Variants in RFX3 observed in about 807,000 individuals in gnomAD.
RFX3 encodes the protein regulatory factor X3.
In RFX3, 14 loss-of-function variants were observed where a neutral mutation model predicts 98.6. The ratio of observed to expected loss-of-function variants is 0.14; its 90% CI spans 0.09 to 0.22. The LOEUF (loss-of-function observed/expected upper bound fraction) is 0.22, where lower values mean the gene tolerates loss of function less well. RFX3 is among the 10% of genes least tolerant of loss of function. The pLI is 1.00. For synonymous variants in RFX3, 383 were observed against 328.4 expected (o/e 1.17, Z -1.80); for missense variants, 639 against 926.9 (o/e 0.69, Z 4.03).
At chr9:3,478,542 T>C (rs763303839) in intron 1 of RFX3, among the ~76,000 whole-genome samples, 20 of 152,098 alleles carry the variant, frequency 1.3e-4, no homozygotes, top group Admixed American at 3.3e-4. Flanking sequence ...TTTGCCTATA[T>C]GTCTTCTACC....
intron 14 of RFX3, among the ~76,000 whole-genome samples, chr9:3,249,433 G>A (rs1199784977): frequency 1.3e-5 from 2 of 151,974 alleles, no homozygotes; most frequent in Non-Finnish European, 2.9e-5. Context: ...ACAAAACATT[G>A]CCTTTAGTCT....
At chr9:3,444,404 G>A (rs1469118189) in intron 1 of RFX3, among the ~76,000 whole-genome samples, 1 of 152,022 alleles carries the variant, frequency 6.6e-6, no homozygotes, top group Non-Finnish European at 1.5e-5. Flanking sequence ...AATTGCAAGG[G>A]TAGGGAGGGA....
intron 1 of RFX3, among the ~76,000 whole-genome samples, chr9:3,462,728 G>A (rs567460338): frequency 4.0e-4 from 61 of 152,146 alleles, no homozygotes; most frequent in African/African-American, 1.4e-3. Flanking sequence ...TAGAAAAAGT[G>A]TACCATACTT....
At chr9:3,503,370 A>G (rs144583855) in intron 1 of RFX3, among the ~76,000 whole-genome samples, 67 of 152,100 alleles carry the variant, frequency 4.4e-4, no homozygotes, top group Middle Eastern at 3.4e-3. Flanking sequence ...TATTTCCTTA[A>G]ATAACTTAAA....
At chr9:3,236,042 A>G (rs1220068664) in intron 15 of RFX3, among the ~76,000 whole-genome samples, 2 of 151,832 alleles carry the variant, frequency 1.3e-5, no homozygotes, top group Non-Finnish European at 2.9e-5. Context: ...AACACATCCA[A>G]CCCGATTAAG....
chr9:3,255,601 T>C (rs1434606751), intron 14 of RFX3, among the ~76,000 whole-genome samples: 1 of 152,184 alleles, frequency 6.6e-6, no homozygotes, highest in East Asian at 1.9e-4. Context: ...TAAGAACAAA[T>C]GCCAGAGTTA....
chr9:3,371,163 A>G lies in RFX3; in HGVS notation c.117+24309T>C, dbSNP rs546462159. The stretch of plus-strand genomic sequence containing the variant: ...ATCAAGGGTAAGTTCTCTAAACACC[A>G]GGGTTGCCTGTTTATCATTTACAGC... On this transcript the variant is annotated intron_variant, in intron 2 of 16. Transcript: ENST00000617270. Among the ~76,000 whole-genome samples the G allele has an allele frequency of 1.2e-4, 18 of 152,334 alleles. No individual in the cohort carries two copies. In the South Asian group the frequency reaches 3.7e-3, roughly 32 times the overall value.
chr9:3,272,968 A>G (rs1325681494), intron 9 of RFX3, among the ~76,000 whole-genome samples: 1 of 152,126 alleles, frequency 6.6e-6, no homozygotes, highest in East Asian at 1.9e-4. Context: ...AGTGTATCTT[A>G]AATTCAGTAT....
chr9:3,392,774 G>C (rs992336182), intron 2 of RFX3, among the ~76,000 whole-genome samples: 2 of 152,044 alleles, frequency 1.3e-5, no homozygotes, highest in African/African-American at 4.8e-5. Flanking sequence ...AATCAGATTG[G>C]TGTTTGGCTT....
intron 9 of RFX3, 104 bp downstream of exon 9, chr9:3,275,396 G>C: frequency 1.6e-6 from 1 of 621,528 alleles, no homozygotes; most frequent in East Asian, 2.8e-5. Flanking sequence ...AAAAGAATTA[G>C]TGCTAAGTTC....
chr9:3,335,054 G>C (rs13286357), intron 3 of RFX3, among the ~76,000 whole-genome samples: 6,793 of 152,124 alleles, frequency 0.045, 174 homozygotes, highest in Non-Finnish European at 0.056. Context: ...GGGAGGTGGA[G>C]GTTGCAGTGA....
At chr9:3,279,951 G>A (rs992578556) in intron 7 of RFX3, among the ~76,000 whole-genome samples, 1 of 151,664 alleles carries the variant, frequency 6.6e-6, no homozygotes, top group East Asian at 1.9e-4. Context: ...GAGGTAAGTT[G>A]GTAAATTCTG....
intron 1 of RFX3, among the ~76,000 whole-genome samples, chr9:3,419,701 G>A (rs575289521): frequency 2.0e-5 from 3 of 152,308 alleles, no homozygotes; most frequent in East Asian, 3.9e-4. Context: ...ATCCATGGAT[G>A]CTCTAGTCCC....
At chr9:3,266,585 C>A (rs1198908648) in intron 11 of RFX3, among the ~76,000 whole-genome samples, 1 of 151,880 alleles carries the variant, frequency 6.6e-6, no homozygotes, top group Non-Finnish European at 1.5e-5. Context: ...GCAACATATA[C>A]CAGTTGTGAA....
At chr9:3,335,775 T>G (rs988289267) in intron 3 of RFX3, among the ~76,000 whole-genome samples, 1 of 152,208 alleles carries the variant, frequency 6.6e-6, no homozygotes, top group Non-Finnish European at 1.5e-5. Flanking sequence ...AGCTTCTTCA[T>G]AGCTGACTCT....
At chr9:3,387,376 A>T (rs541418824) in intron 2 of RFX3, among the ~76,000 whole-genome samples, 63 of 152,196 alleles carry the variant, frequency 4.1e-4, no homozygotes, top group South Asian at 1.2e-3. Flanking sequence ...ATAAAAAAAA[A>T]TTTTTTTAAT....
At chr9:3,376,022 G>A (rs1838443150) in intron 2 of RFX3, among the ~76,000 whole-genome samples, 1 of 151,990 alleles carries the variant, frequency 6.6e-6, no homozygotes, top group Non-Finnish European at 1.5e-5. Context: ...AGAAAGGGAA[G>A]AATAGTAAGC....
intron 14 of RFX3, among the ~76,000 whole-genome samples, chr9:3,255,600 A>G (rs539784838): frequency 5.9e-5 from 9 of 152,332 alleles, no homozygotes; most frequent in South Asian, 4.1e-4. Context: ...ATAAGAACAA[A>G]TGCCAGAGTT....
At chr9:3,333,450 T>A (rs1832824430) in intron 3 of RFX3, among the ~76,000 whole-genome samples, 1 of 151,728 alleles carries the variant, frequency 6.6e-6, no homozygotes, top group Non-Finnish European at 1.5e-5. Context: ...TTTTTTTTTT[T>A]TTCCAGATAG....
Sources: allele counts gnomAD v4.1 joint callset (sites outside exome capture counted in the v4.1 genomes callset), GRCh38; gene constraint gnomAD v4.1.1; transcripts MANE v1.5; gene names NCBI Gene and HGNC (gene_info 2026-07-23, HGNC 2026-07-21).